Variants in CYP20A1 observed in about 807,000 individuals in gnomAD.
CYP20A1 encodes the protein cytochrome P450 family 20 subfamily A member 1.
CYP20A1 carries 61 observed loss-of-function variants against 61.4 expected under a neutral mutation model. The ratio of observed to expected loss-of-function variants is 0.99; its 90% CI spans 0.81 to 1.23. CYP20A1 has a LOEUF of 1.23. CYP20A1 is among the 50% of genes most tolerant of loss of function. The pLI, the probability that CYP20A1 is intolerant of heterozygous loss-of-function variation, is 0.00. For synonymous variants in CYP20A1, 193 were observed against 188.2 expected, an observed-to-expected ratio of 1.03 and a Z score of -0.21; for missense variants, 530 against 542.4, an observed-to-expected ratio of 0.98 and a Z score of 0.23.
chr2:203,271,073 TATATATA>T (rs1255712271), intron 5 of CYP20A1, among the ~76,000 whole-genome samples: 127 of 78,846 alleles, frequency 1.6e-3, no homozygotes, highest in African/African-American at 4.3e-3. Context: ...TATATATATA[TATATATA>T]TATTTTTTTT....
At chr2:203,278,739 G>A in intron 7 of CYP20A1, 51 bp downstream of exon 7, 1 of 972,618 alleles carries the variant, frequency 1.0e-6, no homozygotes. Flanking sequence ...CCAGAGCCAG[G>A]CACAATGGCT....
In CYP20A1 at chr2:203,300,976, C is replaced by A. The variant is rs573780228; in HGVS notation, c.*4068C>A. Among the ~76,000 whole-genome samples the A allele has an allele frequency of 1.3e-5, 2 of 150,014 alleles. No homozygotes were observed. The highest frequency in any genetic ancestry group is 1.3e-4 in the Admixed American group (2 of 14,986). ...CTTTGGGAGGCTGAGGCGGGCAGATCACCTGAAGTCAGGAGTTCAAGACCA... is the reference window on the plus strand; with the variant it reads ...CTTTGGGAGGCTGAGGCGGGCAGATAACCTGAAGTCAGGAGTTCAAGACCA... On this transcript the variant is annotated 3_prime_UTR_variant, in exon 13 of 13. Coordinates refer to ENST00000356079, the MANE Select transcript of CYP20A1 (RefSeq NM_177538.3).
At chr2:203,295,098 A>G (rs991039516) in intron 11 of CYP20A1, among the ~76,000 whole-genome samples, 2 of 142,088 alleles carry the variant, frequency 1.4e-5, no homozygotes, top group Admixed American at 7.0e-5. Context: ...GACTACAGGC[A>G]CCCGCCACTG....
rs528027507 is a variant in CYP20A1, at chr2:203,303,555, C to T, written c.*6647C>T. Among the ~76,000 whole-genome samples the T allele has an allele frequency of 4.0e-5, 6 of 151,710 alleles. No individual in the cohort carries two copies. The highest frequency in any genetic ancestry group is 7.2e-5 in the African/African-American group (3 of 41,396). On this transcript the variant is annotated 3_prime_UTR_variant, in exon 13 of 13. Coordinates refer to ENST00000356079, the MANE Select transcript of CYP20A1 (RefSeq NM_177538.3). ...TACTAAAAATACCAAAAGTAGCGGGCGTGGTGACAGGTGCCTCTAATCCCA... is the reference window on the plus strand; with the variant it reads ...TACTAAAAATACCAAAAGTAGCGGGTGTGGTGACAGGTGCCTCTAATCCCA...
chr2:203,259,392 C>G (rs1311732613), intron 4 of CYP20A1, among the ~76,000 whole-genome samples: 1 of 152,106 alleles, frequency 6.6e-6, no homozygotes, highest in African/African-American at 2.4e-5. Context: ...GTGGAGTCCT[C>G]ATGGCTTGGT....
At chr2:203,257,145 T>C (rs961731641) in intron 4 of CYP20A1, among the ~76,000 whole-genome samples, 108 of 151,372 alleles carry the variant, frequency 7.1e-4, no homozygotes, top group African/African-American at 2.6e-3. Flanking sequence ...AGACCCTGTC[T>C]CTACAAAAAA....
chr2:203,302,722 G>A lies in CYP20A1; in HGVS notation c.*5814G>A, dbSNP rs546651911. On this transcript the variant is annotated 3_prime_UTR_variant, in exon 13 of 13. Transcript: ENST00000356079. ...ATCTTTTTTGTGTGTGTGTGACAGA[G>A]TCTCACTGTCACCAGGCTGGAATGC... 1.7e-4 allele frequency among the ~76,000 whole-genome samples: 26 copies of A among 152,204 alleles called. No individual in the cohort carries two copies. Among genetic ancestry groups the A allele is most frequent in the Non-Finnish European group, 3.1e-4 (21 of 68,000 alleles).
intron 5 of CYP20A1, among the ~76,000 whole-genome samples, chr2:203,268,727 G>A (rs181677857): frequency 8.1e-4 from 123 of 151,920 alleles, no homozygotes; most frequent in Non-Finnish European, 1.3e-3. Flanking sequence ...CATAGATTGT[G>A]TAGTGGTGAA....
At chr2:203,294,880 C>CCTCT in intron 11 of CYP20A1, among the ~76,000 whole-genome samples, 1 of 151,142 alleles carries the variant, frequency 6.6e-6, no homozygotes, top group East Asian at 2.0e-4. Flanking sequence ...TGATCACCTG[C>CCTCT]CTCTGCTTCC....
At chr2:203,290,086 G>T (rs932758893) in intron 10 of CYP20A1, among the ~76,000 whole-genome samples, 1 of 151,752 alleles carries the variant, frequency 6.6e-6, no homozygotes, top group Non-Finnish European at 1.5e-5. Flanking sequence ...GATTACAGGC[G>T]CCCGCCACCA....
At chr2:203,292,930 C>A (rs1294201003) in intron 11 of CYP20A1, among the ~76,000 whole-genome samples, 1 of 152,018 alleles carries the variant, frequency 6.6e-6, no homozygotes, top group African/African-American at 2.4e-5. Flanking sequence ...AATCCCAGCA[C>A]TTTGGGAGGC....
rs943361091 is a variant in CYP20A1 at position 203,300,059 on chromosome 2, A to G, written c.*3151A>G. ...TAAACCAAGTGTCAGATCAGATGAG[A>G]TGAAAGAGGTGGAGTTTAAAGCAAG... On this transcript the variant is annotated 3_prime_UTR_variant, in exon 13 of 13. Coordinates refer to ENST00000356079, the MANE Select transcript of CYP20A1 (RefSeq NM_177538.3). Among the ~76,000 whole-genome samples the G allele has an allele frequency of 6.6e-6, 1 of 152,178 alleles. No individual in the cohort carries two copies. The highest frequency in any genetic ancestry group is 2.4e-5 in the African/African-American group (1 of 41,454).
At chr2:203,253,522 G>A (rs978843620) in intron 4 of CYP20A1, among the ~76,000 whole-genome samples, 6 of 152,212 alleles carry the variant, frequency 3.9e-5, no homozygotes, top group East Asian at 3.8e-4. Flanking sequence ...GGTACGCACC[G>A]GCTCAGTGGA....
intron 4 of CYP20A1, 71 bp from the exon 5 acceptor site, chr2:203,266,443 C>T (rs2067325955): frequency 1.5e-6 from 2 of 1,374,872 alleles, no homozygotes; most frequent in Admixed American, 3.6e-5. Context: ...TTAAATGAAT[C>T]TACTTAGTAA....
At chr2:203,281,924 C>G (rs1243697052) in intron 8 of CYP20A1, among the ~76,000 whole-genome samples, 2 of 151,740 alleles carry the variant, frequency 1.3e-5, no homozygotes, top group Non-Finnish European at 2.9e-5. Context: ...TAAAAGGATA[C>G]AAATGTAAAC....
At chr2:203,243,186 G>C (rs945217996) in intron 1 of CYP20A1, among the ~76,000 whole-genome samples, 7 of 152,128 alleles carry the variant, frequency 4.6e-5, no homozygotes, top group Non-Finnish European at 1.0e-4. Flanking sequence ...CACCCAGGCT[G>C]GGGCTGGAGT....
intron 10 of CYP20A1, among the ~76,000 whole-genome samples, chr2:203,291,333 G>A (rs1290512192): frequency 6.6e-6 from 1 of 152,078 alleles, no homozygotes; most frequent in East Asian, 1.9e-4. Context: ...CACTGCACTG[G>A]GCCATGTGTA....
intron 4 of CYP20A1, among the ~76,000 whole-genome samples, chr2:203,265,020 C>T (rs1223639647): frequency 2.0e-5 from 3 of 152,186 alleles, no homozygotes; most frequent in Admixed American, 1.3e-4. Flanking sequence ...TGAGCCACTG[C>T]GCCTGACCTC....
At chr2:203,251,793 G>GTGTATATA (rs1553513992) in intron 3 of CYP20A1, among the ~76,000 whole-genome samples, 174 bp from the exon 4 acceptor site, 8 of 64,178 alleles carry the variant, frequency 1.2e-4, no homozygotes, top group Non-Finnish European at 2.3e-4. Context: ...ATATATATGT[G>GTGTATATA]TATATATATA....
Sources: allele counts gnomAD v4.1 joint callset (sites outside exome capture counted in the v4.1 genomes callset), GRCh38; gene constraint gnomAD v4.1.1; transcripts MANE v1.5; gene names NCBI Gene and HGNC (gene_info 2026-07-23, HGNC 2026-07-21).